HIPK2: variants seen among roughly 807,000 people sequenced by gnomAD.
The protein encoded by HIPK2 is homeodomain-interacting protein kinase 2.
A neutral mutation model predicts 113.7 loss-of-function variants in HIPK2; 27 were observed. The ratio of observed to expected loss-of-function variants is 0.24; its 90% CI spans 0.17 to 0.33. The LOEUF is 0.33. Among genes scored for constraint, HIPK2 ranks in the 10% least tolerant of loss-of-function variants. The pLI is 1.00. For missense variants in HIPK2, 1,257 were observed against 1,588.0 expected (o/e 0.79, Z 3.54); for synonymous variants, 631 against 642.2 (o/e 0.98, Z 0.26).
intron 2 of HIPK2, among the ~76,000 whole-genome samples, chr7:139,664,637 G>A (rs911649748): frequency 2.0e-5 from 3 of 152,134 alleles, no homozygotes; most frequent in Non-Finnish European, 4.4e-5. Context: ...ATCCCTTTCA[G>A]GGGACAACGA....
chr7:139,562,846 G>GAT lies in HIPK2; in HGVS notation c.*10079_*10080dup, dbSNP rs1039136876. Reference sequence around the variant, plus strand: ...ATACTTCTCCTATCCAATTTGGTTTGATATATATACACAAACATATATATC... The same window carrying GAT: ...ATACTTCTCCTATCCAATTTGGTTTGATATATATATACACAAACATATATATC... On this transcript the variant is annotated 3_prime_UTR_variant, in exon 15 of 15. Coordinates refer to ENST00000406875, the MANE Select transcript of HIPK2 (RefSeq NM_022740.5). 1 of 152,198 alleles carries GAT rather than the reference G, an allele frequency of 6.6e-6. No individual in the cohort carries two copies. The highest frequency in any genetic ancestry group is 1.5e-5 in the Non-Finnish European group (1 of 68,044). The allele number at this position is 152,198 out of a possible 1,614,324, so 9.4% of individuals were successfully genotyped here.
At chr7:139,582,272 CA>C (rs1225984081) in intron 13 of HIPK2, among the ~76,000 whole-genome samples, 2 of 152,246 alleles carry the variant, frequency 1.3e-5, no homozygotes, top group Non-Finnish European at 2.9e-5. Context: ...ACCCTAGCAG[CA>C]AGTACAGCCT....
At chr7:139,635,833 G>C (rs184109327) in intron 2 of HIPK2, among the ~76,000 whole-genome samples, 2 of 152,146 alleles carry the variant, frequency 1.3e-5, no homozygotes, top group Admixed American at 6.5e-5. Context: ...CGGCTCCCAC[G>C]TTAGAAAACA....
intron 1 of HIPK2, among the ~76,000 whole-genome samples, chr7:139,758,653 C>T (rs960489273): frequency 1.3e-5 from 2 of 152,116 alleles, no homozygotes; most frequent in African/African-American, 4.8e-5. Flanking sequence ...CTGTGAACTG[C>T]GCATGCGAGG....
intron 1 of HIPK2, among the ~76,000 whole-genome samples, chr7:139,747,501 C>T (rs1478838287): frequency 6.6e-6 from 1 of 152,188 alleles, no homozygotes; most frequent in East Asian, 1.9e-4. Context: ...CTTAATCTAC[C>T]CCATCTCTAT....
At chr7:139,575,480 A>G (rs896365243) in intron 13 of HIPK2, among the ~76,000 whole-genome samples, 192 bp from the exon 14 acceptor site, 1 of 152,080 alleles carries the variant, frequency 6.6e-6, no homozygotes, top group Middle Eastern at 3.4e-3. Context: ...GCTCTGGCTC[A>G]CTCCCTCGGC....
chr7:139,702,395 C>T (rs1794735902), intron 2 of HIPK2, among the ~76,000 whole-genome samples: 1 of 152,198 alleles, frequency 6.6e-6, no homozygotes, highest in South Asian at 2.1e-4. Flanking sequence ...TGGGCCACAG[C>T]CCAGTCACGG....
chr7:139,700,112 T>C lies in HIPK2; in HGVS notation c.1103+15820A>G, dbSNP rs958182882. ...GGCGCTCTCTAGAGGGCAGGACACT[T>C]GCCTGTGCGAGGTGGGGGGAGGGGA... On this transcript the variant is annotated intron_variant, in intron 2 of 14. Coordinates refer to ENST00000406875, the MANE Select transcript of HIPK2 (RefSeq NM_022740.5). 6.6e-3 allele frequency among the ~76,000 whole-genome samples: 1,001 copies of C among 152,238 alleles called. 14 individuals carry two copies. Among genetic ancestry groups the C allele is most frequent in the African/African-American group, 0.021 (891 of 41,540 alleles).
intron 1 of HIPK2, chr7:139,777,038 T>G (rs1161388163): frequency 6.6e-6 from 1 of 152,110 alleles, no homozygotes; most frequent in African/African-American, 2.4e-5. Flanking sequence ...GAGGGGAGAT[T>G]TTCGCCTATT....
chr7:139,571,171 G>C lies in HIPK2; in HGVS notation c.*1756C>G, dbSNP rs938443259. On this transcript the variant is annotated 3_prime_UTR_variant, in exon 15 of 15. Transcript: ENST00000406875. Reference sequence around the variant, plus strand: ...TGTCTTGAGCAGACCTGGGTAATGTGAGGAGAGAATTCAACAGCAAACAGA... The same window carrying C: ...TGTCTTGAGCAGACCTGGGTAATGTCAGGAGAGAATTCAACAGCAAACAGA... 3 of 152,336 alleles carry C rather than the reference G, an allele frequency of 2.0e-5. No individual in the cohort carries two copies. The highest frequency in any genetic ancestry group is 7.2e-5 in the African/African-American group (3 of 41,480). 9.4% of individuals were successfully genotyped at this position (152,336 alleles called of 1,614,324 possible). A position where few individuals can be genotyped will look rare whatever the true frequency, so the allele number is the denominator to read the frequency against.
chr7:139,593,223 T>C (rs1438311245), intron 12 of HIPK2, among the ~76,000 whole-genome samples: 4 of 152,246 alleles, frequency 2.6e-5, no homozygotes, highest in African/African-American at 7.2e-5. Context: ...CTGTATCAAT[T>C]TGGGTGAGTC....
At chr7:139,649,582 CG>C (rs923708440) in intron 2 of HIPK2, among the ~76,000 whole-genome samples, 1 of 151,674 alleles carries the variant, frequency 6.6e-6, no homozygotes, top group Non-Finnish European at 1.5e-5. Flanking sequence ...TGTTAGAATT[CG>C]GGGGGGTGGT....
chr7:139,627,462 T>C (rs1219166297), intron 5 of HIPK2, among the ~76,000 whole-genome samples: 1 of 152,260 alleles, frequency 6.6e-6, no homozygotes, highest in African/African-American at 2.4e-5. Flanking sequence ...CTGTGTTCAA[T>C]GGAGTCACCT....
intron 2 of HIPK2, among the ~76,000 whole-genome samples, chr7:139,681,691 T>C (rs187569396): frequency 1.3e-5 from 2 of 152,176 alleles, no homozygotes; most frequent in South Asian, 4.1e-4. Flanking sequence ...TTAAAACTCC[T>C]CACATGAAAG....
rs1488681926 is a variant in HIPK2, at chr7:139,568,880, CTAA to C, written c.*4044_*4046del. On this transcript the variant is annotated 3_prime_UTR_variant, in exon 15 of 15. Transcript: ENST00000406875. ...TGGGTGAGGACTAGGAGAATGTGCA[CTAA>C]TGTTTGCTGAGCGTCTGTGGGGCTG... 6.6e-6 allele frequency: 1 copy of C among 152,284 alleles called. No individual in the cohort carries two copies. The highest frequency in any genetic ancestry group is 6.5e-5 in the Admixed American group (1 of 15,280). 9.4% of individuals were successfully genotyped at this position (152,284 alleles called of 1,614,324 possible).
At chr7:139,601,725 G>C (rs995479717) in intron 10 of HIPK2, among the ~76,000 whole-genome samples, 7 of 152,168 alleles carry the variant, frequency 4.6e-5, no homozygotes, top group Non-Finnish European at 7.3e-5. Flanking sequence ...AATGTTAAAG[G>C]TGGTGACTGA....
intron 2 of HIPK2, among the ~76,000 whole-genome samples, chr7:139,671,772 GAACGAC>G (rs1802311527): frequency 6.6e-6 from 1 of 152,086 alleles, no homozygotes; most frequent in South Asian, 2.1e-4. Context: ...GGCTGGTCTC[GAACGAC>G]CTCAGGTGAT....
intron 1 of HIPK2, among the ~76,000 whole-genome samples, chr7:139,769,861 G>T (rs760101942): frequency 9.2e-5 from 14 of 152,140 alleles, no homozygotes; most frequent in Non-Finnish European, 1.5e-4. Context: ...AACCTCCCAG[G>T]CTCAGTTAAC....
intron 12 of HIPK2, among the ~76,000 whole-genome samples, chr7:139,588,434 T>C (rs1310466036): frequency 1.3e-5 from 2 of 151,294 alleles, no homozygotes; most frequent in Non-Finnish European, 2.9e-5. Flanking sequence ...GGAGAATTGC[T>C]TGAACCCAGG....
Sources: gnomAD v4.1 joint callset for allele counts (sites outside exome capture counted in the v4.1 genomes callset) on GRCh38, gnomAD v4.1.1 for gene constraint, MANE v1.5 for transcripts, NCBI Gene and HGNC (gene_info 2026-07-23, HGNC 2026-07-21) for gene names.